ZNF107: variants seen among roughly 807,000 people sequenced by gnomAD.
ZNF107 encodes the protein C2H2 type zinc-finger protein.
Under a neutral mutation model 12.3 loss-of-function variants are expected in ZNF107, and 19 were observed. The observed-to-expected ratio is 1.55, with a 90% confidence interval of 1.08 to 2.27. The LOEUF (loss-of-function observed/expected upper bound fraction) is 2.27, where lower values mean the gene tolerates loss of function less well. Among genes scored for constraint, ZNF107 ranks in the 30% most tolerant of loss-of-function variants. The probability of loss-of-function intolerance (pLI) is 0.00; values close to 1 mark genes in which losing one functional copy is unlikely to be tolerated. For missense variants in ZNF107, 958 were observed against 979.9 expected (o/e 0.98, Z 0.30); for synonymous variants, 317 against 330.5 (o/e 0.96, Z 0.44).
Position 64,691,924 on chromosome 7 carries a change from A to T in ZNF107, c.190A>T (p.Asn64Tyr). The T allele has an allele frequency of 6.5e-7, 1 of 1,534,178 alleles. No individual in the cohort carries two copies. The highest frequency in any genetic ancestry group is 8.7e-7 in the Non-Finnish European group (1 of 1,143,994). The part of the protein sequence containing the change: ...TCLEQKKEPW[N>Y]IKRHEMVAKP... ...TCTGGAGCAAAAAAAAGAGCCCTGG[A>T]ATATAAAAAGACATGAGATGGTAGC... Residue 64 changes from asparagine (N) to tyrosine (Y), a missense_variant, in exon 3 of 4, where the codon AAT becomes TAT. Physicochemically the swap from Asn to Tyr is moderately radical, Grantham distance 143. Coordinates refer to ENST00000620827, the MANE Select transcript of ZNF107 (RefSeq NM_001282359.2).
At chr7:64,669,815 C>G (rs1165007015) in intron 1 of ZNF107, among the ~76,000 whole-genome samples, 1 of 152,154 alleles carries the variant, frequency 6.6e-6, no homozygotes, top group African/African-American at 2.4e-5. Flanking sequence ...AATTTCCTTC[C>G]CATATATAAA....
chr7:64,699,133 G>T (rs1790388218), intron 3 of ZNF107, among the ~76,000 whole-genome samples: 1 of 151,340 alleles, frequency 6.6e-6, no homozygotes, highest in South Asian at 2.1e-4. Flanking sequence ...TTTTCCATGG[G>T]TGTTATAGTT....
At chr7:64,687,935 C>T (rs890646116) in intron 1 of ZNF107, among the ~76,000 whole-genome samples, 1 of 152,186 alleles carries the variant, frequency 6.6e-6, no homozygotes, top group Non-Finnish European at 1.5e-5. Flanking sequence ...AAGGTGCCAA[C>T]CAAGCTTTAA....
At chr7:64,674,954 C>G (rs1789365816) in intron 1 of ZNF107, among the ~76,000 whole-genome samples, 1 of 152,112 alleles carries the variant, frequency 6.6e-6, no homozygotes, top group Non-Finnish European at 1.5e-5. Context: ...GGGATAAAGT[C>G]TACTTGATCA....
chr7:64,666,465 C>T (rs1431256411), intron 1 of ZNF107, among the ~76,000 whole-genome samples, 180 bp downstream of exon 1: 1 of 152,178 alleles, frequency 6.6e-6, no homozygotes, highest in Non-Finnish European at 1.5e-5. Flanking sequence ...TCCTCAGTCC[C>T]CTTCAGCCGT....
intron 1 of ZNF107, among the ~76,000 whole-genome samples, chr7:64,671,892 C>T (rs1042839501): frequency 7.3e-5 from 11 of 151,360 alleles, no homozygotes; most frequent in African/African-American, 2.7e-4. Flanking sequence ...GGCCATTCTC[C>T]TGCCTCAGCC....
rs142032914 is a variant in ZNF107, at chr7:64,684,353, A to T, written c.4-6895A>T. Among the ~76,000 whole-genome samples the T allele has an allele frequency of 7.2e-5, 11 of 152,258 alleles. 2 individuals carry two copies. Among genetic ancestry groups the T allele is most frequent in the African/African-American group, 2.4e-4 (10 of 41,542 alleles). ...ACCTCAGATACCCAGCCATATGAGG[A>T]CACTCTGGCCAGACAGCCCATCCTG... On this transcript the variant is annotated intron_variant, in intron 1 of 3. Coordinates refer to ENST00000620827, the MANE Select transcript of ZNF107 (RefSeq NM_001282359.2).
rs1790111346 is a variant in ZNF107, at chr7:64,691,337, T to G, written c.93T>G (p.Asn31Lys). 2 of 1,533,760 alleles carry G rather than the reference T, an allele frequency of 1.3e-6. No individual in the cohort carries two copies. The highest frequency in any genetic ancestry group is 4.1e-5 in the Admixed American group (2 of 49,062). The change falls in exon 2 of 4, where the codon AAT (asparagine) becomes AAG (lysine). Residue 31 changes from asparagine to lysine, a missense_variant. Asn to Lys is a moderately conservative substitution (Grantham distance 94, BLOSUM62 0). Transcript: ENST00000620827. ...CTGCACAGCGGGATTTATATAGGAA[T>G]GTGTTGTTAGAGAACTACAGAAACC... ...LDTAQRDLYR[N>K]VLLENYRNLV... is the part of the protein sequence containing the mutation.
chr7:64,690,031 A>G (rs1790062616), intron 1 of ZNF107: 1 of 152,158 alleles, frequency 6.6e-6, no homozygotes, highest in African/African-American at 2.4e-5. Flanking sequence ...CCATCTAGGA[A>G]CTGTTAGTCT....
In ZNF107 at chr7:64,706,892, CT is replaced by C; in HGVS notation, c.798del (p.Phe266LeufsTer12). 1 of 1,612,662 alleles carries C rather than the reference CT, an allele frequency of 6.2e-7. No homozygotes were observed. The highest frequency in any genetic ancestry group is 8.5e-7 in the Non-Finnish European group (1 of 1,179,504). On this transcript the variant is annotated frameshift_variant, in exon 4 of 4. Transcript: ENST00000620827. LOFTEE classifies it low-confidence loss of function (END_TRUNC). ...ACAAATGTGAAGAATGTGGCAAGGC[CT>C]TTAAACAGGCCTCACACCTTACTAT... ...PNKCEECGKA[F>X]KQASHLTIHK... is the part of the protein sequence containing the mutation.
intron 3 of ZNF107, among the ~76,000 whole-genome samples, chr7:64,700,505 C>CTTT: frequency 2.1e-5 from 2 of 93,228 alleles, no homozygotes; most frequent in East Asian, 3.3e-4. Flanking sequence ...GCCAAATAAA[C>CTTT]CTTTTTTTTT....
intron 3 of ZNF107, among the ~76,000 whole-genome samples, chr7:64,697,195 A>G (rs959021169): frequency 9.2e-5 from 14 of 152,088 alleles, no homozygotes; most frequent in African/African-American, 3.4e-4. Flanking sequence ...TATGTGCCAC[A>G]TTTTCTTAGT....
chr7:64,679,455 C>A, intron 1 of ZNF107: 1 of 788,096 alleles, frequency 1.3e-6, no homozygotes, highest in Non-Finnish European at 1.5e-6. Context: ...ACAGGCTTCC[C>A]TAGGTGACTG....
At chr7:64,670,080 A>G (rs943751133) in intron 1 of ZNF107, among the ~76,000 whole-genome samples, 1 of 152,200 alleles carries the variant, frequency 6.6e-6, no homozygotes, top group African/African-American at 2.4e-5. Context: ...AGGCAGATGC[A>G]GTTAACGTTA....
At chr7:64,704,648 T>C (rs2862794) in intron 3 of ZNF107, among the ~76,000 whole-genome samples, 60,008 of 151,988 alleles carry the variant, frequency 0.39, 12,108 homozygotes, top group African/African-American at 0.42. Flanking sequence ...GCATAGGCAG[T>C]GCCAAAATAC....
chr7:64,673,628 G>T (rs1044999345), intron 1 of ZNF107, among the ~76,000 whole-genome samples: 1 of 152,122 alleles, frequency 6.6e-6, no homozygotes, highest in Non-Finnish European at 1.5e-5. Context: ...TGGCATCTTC[G>T]TCATGAAATC....
chr7:64,693,509 T>C (rs1246148283), intron 3 of ZNF107, among the ~76,000 whole-genome samples: 1 of 152,004 alleles, frequency 6.6e-6, no homozygotes, highest in Non-Finnish European at 1.5e-5. Flanking sequence ...TGGGATGCCC[T>C]CTGGGTTTGT....
chr7:64,691,602 T>C (rs748847225), intron 2 of ZNF107, among the ~76,000 whole-genome samples: 1 of 152,166 alleles, frequency 6.6e-6, no homozygotes, highest in Non-Finnish European at 1.5e-5. Flanking sequence ...CACTCTAGAT[T>C]AGTGATAATT....
chr7:64,691,926 T>C lies in ZNF107; in HGVS notation c.192T>C (p.Asn64=). Reference sequence around the variant, plus strand: ...TGGAGCAAAAAAAAGAGCCCTGGAATATAAAAAGACATGAGATGGTAGCCA... The same window carrying C: ...TGGAGCAAAAAAAAGAGCCCTGGAACATAAAAAGACATGAGATGGTAGCCA... ...TCLEQKKEPW[N]IKRHEMVAKP... is the part of the protein sequence containing the mutation. The change falls in exon 3 of 4, where the codon AAT becomes AAC. Residue 64 remains asparagine (N), a synonymous_variant. Transcript: ENST00000620827. The C allele has an allele frequency of 6.5e-7, 1 of 1,531,698 alleles. No individual in the cohort carries two copies. The highest frequency in any genetic ancestry group is 8.8e-7 in the Non-Finnish European group (1 of 1,142,680). The allele number at this position is 1,531,698 out of a possible 1,614,324, so 94.9% of individuals were successfully genotyped here. A position where few individuals can be genotyped will look rare whatever the true frequency, so the allele number is the denominator to read the frequency against.
Sources: allele counts gnomAD v4.1 joint callset (sites outside exome capture counted in the v4.1 genomes callset), GRCh38; gene constraint gnomAD v4.1.1; transcripts MANE v1.5; gene names NCBI Gene and HGNC (gene_info 2026-07-23, HGNC 2026-07-21).